DNAI4: variants seen among roughly 807,000 people sequenced by gnomAD.
DNAI4 encodes the protein WD repeat domain 78.
A neutral mutation model predicts 105.8 loss-of-function variants in DNAI4; 85 were observed. The ratio of observed to expected loss-of-function variants is 0.80; its 90% confidence interval spans 0.67 to 0.96. The LOEUF is 0.96. DNAI4 is among the 40% of genes least tolerant of loss of function. The probability of loss-of-function intolerance (pLI) is 0.00; values close to 1 mark genes in which losing one functional copy is unlikely to be tolerated. For synonymous variants in DNAI4, 352 were observed against 331.5 expected (o/e 1.06, Z -0.67); for missense variants, 1,014 against 1,005.6 (o/e 1.01, Z -0.11).
chr1:66,859,307 A>C (rs376718230), intron 7 of DNAI4, among the ~76,000 whole-genome samples: 1 of 152,144 alleles, frequency 6.6e-6, no homozygotes, highest in African/African-American at 2.4e-5. Context: ...AAAATACCAA[A>C]TGCTGGCAAG....
rs1282441867 is a variant in DNAI4, at chr1:66,840,473, T to A, written c.1490A>T (p.Asn497Ile). 6.2e-7 allele frequency: 1 copy of A among 1,612,906 alleles called. No individual in the cohort carries two copies. The highest frequency in any genetic ancestry group is 1.7e-5 in the Admixed American group (1 of 60,016). The change falls in exon 9 of 17, where the codon AAT becomes ATT. Residue 497 changes from asparagine to isoleucine, a missense_variant. By Grantham distance (149) the Asn-to-Ile change is moderately radical. Transcript: ENST00000371026. Reference sequence around the variant, plus strand: ...TTCAAATGTTTGATAACTTACTGGATTTGTTTTATTCCAGGCAAGGCTGCT... The same window carrying A: ...TTCAAATGTTTGATAACTTACTGGAATTGTTTTATTCCAGGCAAGGCTGCT... ...NVSSLAWNKT[N>I]PDLLAVGYGH... is the part of the protein sequence containing the mutation.
At chr1:66,815,899 C>A (rs914250279) in intron 16 of DNAI4, among the ~76,000 whole-genome samples, 1 of 152,184 alleles carries the variant, frequency 6.6e-6, no homozygotes, top group Non-Finnish European at 1.5e-5. Context: ...TAACCATGAA[C>A]CCTAAGCTGG....
At chr1:66,853,752 A>G (rs1646443758) in intron 7 of DNAI4, among the ~76,000 whole-genome samples, 1 of 152,226 alleles carries the variant, frequency 6.6e-6, no homozygotes. Flanking sequence ...CAAAAAAACT[A>G]CTGGTAACAT....
intron 2 of DNAI4, among the ~76,000 whole-genome samples, chr1:66,897,372 G>A (rs922701835): frequency 2.2e-4 from 34 of 152,142 alleles, no homozygotes; most frequent in African/African-American, 8.0e-4. Context: ...TAATCAAAAG[G>A]GAAGCAAAGC....
Position 66,812,983 on chromosome 1 carries a change from A to G in DNAI4, c.*1147T>C, listed in dbSNP as rs1053310753. ...AAAACAAAGATAATCACAATGACAT[A>G]CCAGTGGAAAATTTATAATCCTAAT... On this transcript the variant is annotated 3_prime_UTR_variant, in exon 17 of 17. Coordinates refer to ENST00000371026, the MANE Select transcript of DNAI4 (RefSeq NM_024763.5). 1.3e-5 allele frequency: 2 copies of G among 152,326 alleles called. No individual in the cohort carries two copies. The highest frequency in any genetic ancestry group is 2.9e-5 in the Non-Finnish European group (2 of 68,016). 9.4% of individuals were successfully genotyped at this position (152,326 alleles called of 1,614,324 possible).
chr1:66,885,473 GT>G, intron 4 of DNAI4, among the ~76,000 whole-genome samples: 1 of 152,306 alleles, frequency 6.6e-6, no homozygotes, highest in South Asian at 2.1e-4. Flanking sequence ...TAGAATGCCA[GT>G]TTTTAATTTC....
At chr1:66,825,212 G>C (rs1297446597) in intron 15 of DNAI4, among the ~76,000 whole-genome samples, 1 of 120,416 alleles carries the variant, frequency 8.3e-6, no homozygotes, top group Non-Finnish European at 1.6e-5. Context: ...TCGCTCTGTC[G>C]CCCAGGCGGG....
rs1221360102 is a variant in DNAI4, at chr1:66,898,067, A to G, written c.346-4654T>C. Among the ~76,000 whole-genome samples, 4 of 152,318 alleles carry G rather than the reference A, an allele frequency of 2.6e-5. No individual in the cohort carries two copies. The East Asian group carries it at 7.7e-4, about 29-fold the overall frequency. On this transcript the variant is annotated intron_variant, in intron 2 of 16. Transcript: ENST00000371026. ...CCAATCCCTGCACCAGTGTGTCCAGAAGGCAGTACATGGAGTCAAAAGATA... is the reference window on the plus strand; with the variant it reads ...CCAATCCCTGCACCAGTGTGTCCAGGAGGCAGTACATGGAGTCAAAAGATA...
chr1:66,847,407 C>T lies in DNAI4; in HGVS notation c.1291+77G>A. 4.9e-6 allele frequency: 7 copies of T among 1,417,552 alleles called. No individual in the cohort carries two copies. The South Asian group carries it at 9.2e-5, about 19-fold the overall frequency. 87.8% of individuals were successfully genotyped at this position (1,417,552 alleles called of 1,614,324 possible). On this transcript the variant is annotated intron_variant, in intron 8 of 16. Coordinates refer to ENST00000371026, the MANE Select transcript of DNAI4 (RefSeq NM_024763.5). ...CTCCTGGGCCCAAGCAATCCTCTTC[C>T]TCAGCCTCCCAAAGTACTGGGATTA...
intron 10 of DNAI4, among the ~76,000 whole-genome samples, chr1:66,837,437 T>C (rs1646051742): frequency 6.6e-6 from 1 of 151,700 alleles, no homozygotes; most frequent in Non-Finnish European, 1.5e-5. Context: ...TATAATTAGC[T>C]GTGAAAATCA....
chr1:66,885,650 G>A (rs1395460944), intron 4 of DNAI4, among the ~76,000 whole-genome samples: 3 of 151,920 alleles, frequency 2.0e-5, no homozygotes, highest in Non-Finnish European at 4.4e-5. Context: ...TTGAACCCAG[G>A]AGTTCAAGAC....
chr1:66,819,132 C>T (rs1378672407), intron 16 of DNAI4, among the ~76,000 whole-genome samples: 1 of 152,100 alleles, frequency 6.6e-6, no homozygotes, highest in East Asian at 1.9e-4. Context: ...TGCCACTTTT[C>T]TCTCAAGCAA....
Sources: allele counts gnomAD v4.1 joint callset (sites outside exome capture counted in the v4.1 genomes callset), GRCh38; gene constraint gnomAD v4.1.1; transcripts MANE v1.5; gene names NCBI Gene and HGNC (gene_info 2026-07-23, HGNC 2026-07-21).